UTRN: variants seen among roughly 807,000 people sequenced by gnomAD.
UTRN encodes the protein dystrophin-related protein 1.
A neutral mutation model predicts 463.9 loss-of-function variants in UTRN; 283 were observed. That is an observed-to-expected ratio of 0.61 (90% confidence interval 0.55 to 0.67). The LOEUF (loss-of-function observed/expected upper bound fraction) is 0.67, where lower values mean the gene tolerates loss of function less well. Among genes scored for constraint, UTRN ranks in the 30% least tolerant of loss-of-function variants. The probability of loss-of-function intolerance (pLI) is 0.00; values close to 1 mark genes in which losing one functional copy is unlikely to be tolerated. For missense variants in UTRN, 3,922 were observed against 4,084.3 expected (o/e 0.96, Z 1.08); for synonymous variants, 1,442 against 1,431.5 (o/e 1.01, Z -0.17).
intron 3 of UTRN, among the ~76,000 whole-genome samples, chr6:144,413,547 C>T (rs1424329347): frequency 6.6e-6 from 1 of 152,084 alleles, no homozygotes; most frequent in East Asian, 1.9e-4. Flanking sequence ...GACCCACCCC[C>T]ATGATTCACT....
intron 2 of UTRN, among the ~76,000 whole-genome samples, chr6:144,372,376 G>A (rs1196133000): frequency 6.6e-6 from 1 of 152,246 alleles, no homozygotes; most frequent in Non-Finnish European, 1.5e-5. Context: ...TGGCTGTTGT[G>A]AGGATTAAAA....
chr6:144,691,751 G>A (rs767651360), intron 52 of UTRN, among the ~76,000 whole-genome samples: 5 of 152,224 alleles, frequency 3.3e-5, no homozygotes, highest in Non-Finnish European at 5.9e-5. Flanking sequence ...GTGAAAAATG[G>A]TAACATTGAT....
At chr6:144,370,243 G>A (rs1481562417) in intron 2 of UTRN, among the ~76,000 whole-genome samples, 3 of 152,122 alleles carry the variant, frequency 2.0e-5, no homozygotes, top group African/African-American at 7.2e-5. Flanking sequence ...GGTCTAGGAG[G>A]GAAAAATGGT....
At chr6:144,628,041 C>T (rs1776130912) in intron 51 of UTRN, among the ~76,000 whole-genome samples, 1 of 152,098 alleles carries the variant, frequency 6.6e-6, no homozygotes, top group Non-Finnish European at 1.5e-5. Flanking sequence ...CCTCGTGATC[C>T]ACCCGCCTCG....
intron 73 of UTRN, among the ~76,000 whole-genome samples, chr6:144,841,045 G>T (rs919730110): frequency 1.3e-5 from 2 of 152,182 alleles, no homozygotes; most frequent in African/African-American, 4.8e-5. Context: ...ACGCAATTCT[G>T]CTCTTTGAGA....
intron 51 of UTRN, among the ~76,000 whole-genome samples, chr6:144,653,165 A>G (rs1158845240): frequency 1.3e-5 from 2 of 152,200 alleles, no homozygotes; most frequent in East Asian, 3.9e-4. Flanking sequence ...AGATCTTTAC[A>G]GAAATATTAT....
intron 73 of UTRN, among the ~76,000 whole-genome samples, chr6:144,842,108 TCCAAAAAAAA>T (rs1781629044): frequency 2.5e-5 from 1 of 40,146 alleles, no homozygotes; most frequent in African/African-American, 1.2e-4. Flanking sequence ...AGACTTCCTC[TCCAAAAAAAA>T]AAAAAAAAAA....
chr6:144,708,095 G>T, intron 53 of UTRN: 3 of 246,334 alleles, frequency 1.2e-5, no homozygotes, highest in Non-Finnish European at 1.6e-5. Context: ...CTGCATATAT[G>T]GGTCTTCACT....
intron 41 of UTRN, among the ~76,000 whole-genome samples, chr6:144,527,931 G>A (rs1000504108): frequency 6.6e-6 from 1 of 151,674 alleles, no homozygotes; most frequent in Non-Finnish European, 1.5e-5. Flanking sequence ...ACCTTTCACT[G>A]GTGTGTCCTT....
intron 54 of UTRN, among the ~76,000 whole-genome samples, chr6:144,742,594 C>G (rs188853310): frequency 1.3e-5 from 2 of 152,192 alleles, no homozygotes; most frequent in Admixed American, 1.3e-4. Flanking sequence ...GTGAAAATCT[C>G]TACAGATATC....
chr6:144,550,843 A>T (rs1486558404), intron 47 of UTRN, 122 bp from the exon 48 acceptor site: 3 of 683,574 alleles, frequency 4.4e-6, no homozygotes, highest in Non-Finnish European at 2.2e-6. Context: ...CACGTTGCTG[A>T]TGCTTCACTA....
intron 2 of UTRN, among the ~76,000 whole-genome samples, chr6:144,312,927 G>A (rs1285285349): frequency 6.6e-6 from 1 of 152,148 alleles, no homozygotes; most frequent in African/African-American, 2.4e-5. Flanking sequence ...AGGCTCCAGG[G>A]GTGTACCAAA....
At position 144,499,322 on chromosome 6, in the gene UTRN, T is replaced by C; in HGVS notation, c.4659T>C (p.Ala1553=). The part of the protein sequence containing the change: ...SQLARKMKKE[A]ASLSEWLSAT... ...TGGCCCGGAAAATGAAGAAAGAGGC[T>C]GCTTCTCTCTCTGAATGGCTTTCTG... is the stretch of plus-strand genomic sequence containing the variant. The change falls in exon 34 of 75, where the codon GCT becomes GCC. Residue 1553 remains alanine, a synonymous_variant. Transcript: ENST00000367545. The C allele has an allele frequency of 6.2e-7, 1 of 1,613,948 alleles. No individual in the cohort carries two copies. The highest frequency in any genetic ancestry group is 1.1e-5 in the South Asian group (1 of 91,036).
chr6:144,406,367 T>C (rs1373944775), intron 3 of UTRN, among the ~76,000 whole-genome samples: 1 of 147,550 alleles, frequency 6.8e-6, no homozygotes, highest in African/African-American at 2.5e-5. Context: ...TTTTTTTTTT[T>C]TTTTTTTTTT....
chr6:144,310,811 G>A (rs1806194033), intron 2 of UTRN, among the ~76,000 whole-genome samples: 3 of 152,210 alleles, frequency 2.0e-5, no homozygotes, highest in African/African-American at 7.2e-5. Context: ...ACAAACAAGT[G>A]TGCAATCCCT....
chr6:144,667,954 G>A (rs746160444), intron 51 of UTRN, among the ~76,000 whole-genome samples: 45 of 152,096 alleles, frequency 3.0e-4, no homozygotes, highest in Non-Finnish European at 4.0e-4. Context: ...TTTATTCAGC[G>A]GTTAGGCCTA....
intron 33 of UTRN, among the ~76,000 whole-genome samples, chr6:144,498,120 A>G (rs1481916263): frequency 6.6e-6 from 1 of 152,228 alleles, no homozygotes; most frequent in Non-Finnish European, 1.5e-5. Flanking sequence ...ATGTCCACAT[A>G]AACATATTAA....
intron 51 of UTRN, among the ~76,000 whole-genome samples, chr6:144,673,206 A>G (rs1171342655): frequency 6.6e-6 from 1 of 152,108 alleles, no homozygotes; most frequent in East Asian, 1.9e-4. Context: ...TCTAGGGTAT[A>G]GTTTAAGTTC....
At chr6:144,699,412 CCTGGGTGACAGAGCAATACT>C (rs1365746311) in intron 52 of UTRN, among the ~76,000 whole-genome samples, 2 of 146,734 alleles carry the variant, frequency 1.4e-5, no homozygotes, top group Non-Finnish European at 3.0e-5. Context: ...TGCACTCCAG[CCTGGGTGACAGAGCAATACT>C]CTGTCTCAAA....
Sources: gnomAD v4.1 joint callset for allele counts (sites outside exome capture counted in the v4.1 genomes callset) on GRCh38, gnomAD v4.1.1 for gene constraint, MANE v1.5 for transcripts, NCBI Gene and HGNC (gene_info 2026-07-23, HGNC 2026-07-21) for gene names.